Variants in BMPER observed in about 807,000 individuals in gnomAD.
BMPER encodes BMP-binding endothelial regulator protein.
In BMPER, 45 loss-of-function variants were observed where a neutral mutation model predicts 87.3. The observed-to-expected ratio is 0.52, with a 90% CI of 0.41 to 0.66. The LOEUF is 0.66. Ranked by LOEUF, BMPER falls within the 30% of genes least tolerant of loss-of-function variation. The pLI is 0.00. For missense variants in BMPER, 784 were observed against 867.5 expected, an observed-to-expected ratio of 0.90 and a Z score of 1.21; for synonymous variants, 326 against 316.2, an observed-to-expected ratio of 1.03 and a Z score of -0.33.
chr7:33,959,479 T>C, intron 3 of BMPER, among the ~76,000 whole-genome samples: 1 of 152,168 alleles, frequency 6.6e-6, no homozygotes, highest in East Asian at 1.9e-4. Context: ...TCTTTGCCTG[T>C]TGAGAGGCAA....
chr7:34,084,820 G>T (rs145218995), intron 12 of BMPER, among the ~76,000 whole-genome samples: 1 of 152,322 alleles, frequency 6.6e-6, no homozygotes, highest in African/African-American at 2.4e-5. Context: ...TGGCCAGTGT[G>T]GCTCCTGGAA....
chr7:34,048,958 A>C (rs1220230105), intron 7 of BMPER, among the ~76,000 whole-genome samples: 1 of 152,190 alleles, frequency 6.6e-6, no homozygotes, highest in African/African-American at 2.4e-5. Flanking sequence ...CCCACACAGC[A>C]AGAAACAGAG....
intron 3 of BMPER, among the ~76,000 whole-genome samples, chr7:33,952,895 T>C (rs1001872703): frequency 1.5e-4 from 23 of 152,220 alleles, no homozygotes; most frequent in African/African-American, 5.3e-4. Flanking sequence ...AATATGATAA[T>C]GAAGGTGAAC....
chr7:34,107,186 G>A (rs1022408387), intron 13 of BMPER, among the ~76,000 whole-genome samples: 4 of 152,202 alleles, frequency 2.6e-5, no homozygotes, highest in Non-Finnish European at 2.9e-5. Context: ...ACGTCTCCTA[G>A]TGTGAGGTTC....
chr7:33,926,209 G>A (rs937928568), intron 2 of BMPER, among the ~76,000 whole-genome samples: 1 of 152,168 alleles, frequency 6.6e-6, no homozygotes, highest in Non-Finnish European at 1.5e-5. Flanking sequence ...AAACAGATTC[G>A]TGTATTTTTG....
intron 11 of BMPER, among the ~76,000 whole-genome samples, chr7:34,069,934 C>T (rs889841707): frequency 2.6e-5 from 4 of 152,120 alleles, no homozygotes; most frequent in African/African-American, 9.7e-5. Context: ...TTCCCTTCCG[C>T]GTTAGTACTC....
intron 2 of BMPER, among the ~76,000 whole-genome samples, chr7:33,919,794 A>G (rs112129923): frequency 2.0e-4 from 30 of 152,308 alleles, no homozygotes; most frequent in African/African-American, 7.0e-4. Flanking sequence ...TATTGCTTTA[A>G]AGTTCTTTGA....
At chr7:33,933,664 G>T (rs1468804197) in intron 2 of BMPER, among the ~76,000 whole-genome samples, 2 of 152,138 alleles carry the variant, frequency 1.3e-5, no homozygotes, top group African/African-American at 4.8e-5. Context: ...GGTGTCTGCA[G>T]ACCTTCCCAT....
chr7:34,032,986 T>G (rs1787570243), intron 6 of BMPER, among the ~76,000 whole-genome samples: 2 of 152,192 alleles, frequency 1.3e-5, no homozygotes, highest in Admixed American at 1.3e-4. Context: ...TAGATCATAC[T>G]TTTTGTCCTA....
At chr7:33,908,008 G>C (rs535110930) in intron 2 of BMPER, among the ~76,000 whole-genome samples, 1 of 152,328 alleles carries the variant, frequency 6.6e-6, no homozygotes, top group South Asian at 2.1e-4. Flanking sequence ...ACAGAAACAA[G>C]TAAAAACGCA....
chr7:33,914,218 G>C (rs866929060), intron 2 of BMPER, among the ~76,000 whole-genome samples: 6 of 152,130 alleles, frequency 3.9e-5, no homozygotes, highest in Admixed American at 2.0e-4. Flanking sequence ...GCCCGCCTCG[G>C]TCTCCCAAAG....
intron 7 of BMPER, among the ~76,000 whole-genome samples, chr7:34,048,897 T>A (rs947160815): frequency 2.0e-5 from 3 of 152,186 alleles, no homozygotes; most frequent in Non-Finnish European, 4.4e-5. Context: ...CCATGATGAC[T>A]TTGGGATTAA....
At chr7:33,944,048 C>A (rs1784825747) in intron 3 of BMPER, among the ~76,000 whole-genome samples, 2 of 152,190 alleles carry the variant, frequency 1.3e-5, no homozygotes, top group South Asian at 4.1e-4. Flanking sequence ...TATTGCAGAA[C>A]TTCAGTGACA....
intron 6 of BMPER, among the ~76,000 whole-genome samples, chr7:33,984,421 T>C (rs1785944979): frequency 6.6e-6 from 1 of 151,888 alleles, no homozygotes; most frequent in Non-Finnish European, 1.5e-5. Context: ...GCCGAGATCA[T>C]GCCACTGTAC....
At chr7:34,140,317 ACT>A (rs1168331019) in intron 13 of BMPER, among the ~76,000 whole-genome samples, 1 of 152,332 alleles carries the variant, frequency 6.6e-6, no homozygotes, top group East Asian at 1.9e-4. Flanking sequence ...TCTGTCACAA[ACT>A]CTGTTCATTA....
chr7:34,066,000 G>A (rs1053358292), intron 11 of BMPER, among the ~76,000 whole-genome samples: 4 of 152,170 alleles, frequency 2.6e-5, no homozygotes, highest in Non-Finnish European at 5.9e-5. Context: ...TTAAATAAGT[G>A]TTGCATTATT....
intron 11 of BMPER, among the ~76,000 whole-genome samples, chr7:34,078,300 G>T (rs1177665927): frequency 6.6e-6 from 1 of 152,100 alleles, no homozygotes; most frequent in Non-Finnish European, 1.5e-5. Context: ...TTTGTTTCCT[G>T]ATACTATTAA....
At chr7:34,071,356 G>T (rs1390053247) in intron 11 of BMPER, among the ~76,000 whole-genome samples, 2 of 152,158 alleles carry the variant, frequency 1.3e-5, no homozygotes, top group African/African-American at 4.8e-5. Context: ...CAAGGTAATT[G>T]TTCTTAGAGT....
chr7:34,141,167 G>A (rs544193011), intron 13 of BMPER, among the ~76,000 whole-genome samples: 17 of 152,282 alleles, frequency 1.1e-4, no homozygotes, highest in African/African-American at 2.2e-4. Context: ...GCATTTAGAC[G>A]CCATTTTAAG....
Sources: gnomAD v4.1 joint callset for allele counts (sites outside exome capture counted in the v4.1 genomes callset) on GRCh38, gnomAD v4.1.1 for gene constraint, MANE v1.5 for transcripts, NCBI Gene and HGNC (gene_info 2026-07-23, HGNC 2026-07-21) for gene names.